Variants in FOXN1 observed in about 807,000 individuals in gnomAD.
The protein encoded by FOXN1 is forkhead box protein N1.
Under a neutral mutation model 49.0 loss-of-function variants are expected in FOXN1, and 15 were observed. The ratio of observed to expected loss-of-function variants is 0.31; its 90% CI spans 0.20 to 0.47. The LOEUF (loss-of-function observed/expected upper bound fraction) is 0.47, where lower values mean the gene tolerates loss of function less well. FOXN1 is among the 20% of genes least tolerant of loss of function. The pLI, the probability that FOXN1 is intolerant of heterozygous loss-of-function variation, is 1.00. For synonymous variants in FOXN1, 356 were observed against 369.0 expected (o/e 0.96, Z 0.40); for missense variants, 800 against 842.8 (o/e 0.95, Z 0.63).
intron 1 of FOXN1, among the ~76,000 whole-genome samples, chr17:28,510,269 C>T (rs1555606795): frequency 6.6e-6 from 1 of 152,150 alleles, no homozygotes; most frequent in African/African-American, 2.4e-5. Flanking sequence ...AGCACAGAGA[C>T]ACACATACAC....
chr17:28,522,949 G>A (rs2069670647), intron 1 of FOXN1, among the ~76,000 whole-genome samples: 1 of 152,220 alleles, frequency 6.6e-6, no homozygotes, highest in Admixed American at 6.5e-5. Context: ...TTCTGCGCAT[G>A]ATTTTGTTTG....
Position 28,537,604 on chromosome 17 carries a change from C to A in FOXN1, c.*168C>A. The A allele has an allele frequency of 1.5e-6, 1 of 670,562 alleles. No individual in the cohort carries two copies. Among genetic ancestry groups the A allele is most frequent in the Non-Finnish European group, 2.7e-6 (1 of 369,396 alleles). The allele number at this position is 670,562 out of a possible 1,614,324, so 41.5% of individuals were successfully genotyped here. On this transcript the variant is annotated 3_prime_UTR_variant, in exon 9 of 9. Coordinates refer to ENST00000579795, the MANE Select transcript of FOXN1 (RefSeq NM_001369369.1). ...TAGCTGGGGGCGCAGAGGACATCAC[C>A]TGGGGTGCTGCCTCTCACACATTTC...
At chr17:28,514,760 A>G (rs2069461685) in intron 1 of FOXN1, among the ~76,000 whole-genome samples, 1 of 152,136 alleles carries the variant, frequency 6.6e-6, no homozygotes, top group South Asian at 2.1e-4. Flanking sequence ...GCCAGGTGGG[A>G]GGCAGCAGGG....
chr17:28,535,197 G>T lies in FOXN1; in HGVS notation c.1626G>T (p.Gln542His). 6.2e-7 allele frequency: 1 copy of T among 1,612,776 alleles called. No individual in the cohort carries two copies. ...INPSLTDFDF[Q>H]GNLWEQLKDD... ...CCTCACTCACTGACTTCGACTTCCA[G>T]GGTGAGCTGGGGGTGGGAAAGGGAA... is the stretch of plus-strand genomic sequence containing the variant. Residue 542 changes from glutamine (Q) to histidine (H), a missense_variant and splice_region_variant, in exon 8 of 9, where the codon CAG becomes CAT. By Grantham distance (24) the Gln-to-His change is conservative. Coordinates refer to ENST00000579795, the MANE Select transcript of FOXN1 (RefSeq NM_001369369.1).
At chr17:28,527,467 C>A in intron 4 of FOXN1, 106 bp downstream of exon 4, 2 of 731,470 alleles carry the variant, frequency 2.7e-6, no homozygotes, top group Non-Finnish European at 4.9e-6. Flanking sequence ...CCAGGATAGG[C>A]AGATAAGGAC....
At chr17:28,523,524 A>G (rs1381878438) in intron 1 of FOXN1, among the ~76,000 whole-genome samples, 1 of 152,140 alleles carries the variant, frequency 6.6e-6, no homozygotes, top group African/African-American at 2.4e-5. Context: ...CGACTTGCCC[A>G]GTCACTGAAT....
At chr17:28,512,318 C>T (rs541549903) in intron 1 of FOXN1, among the ~76,000 whole-genome samples, 9 of 152,356 alleles carry the variant, frequency 5.9e-5, no homozygotes, top group African/African-American at 1.9e-4. Flanking sequence ...CCTCAGATCA[C>T]TGCTTTCTGA....
At chr17:28,514,067 G>C (rs921497465) in intron 1 of FOXN1, among the ~76,000 whole-genome samples, 1 of 152,146 alleles carries the variant, frequency 6.6e-6, no homozygotes, top group Non-Finnish European at 1.5e-5. Context: ...CAATAAATAG[G>C]GATTAGAGAT....
chr17:28,534,324 C>G lies in FOXN1; in HGVS notation c.928-7C>G. ...GCCTGAATGCTTGTCTTGCTCTGTT[C>G]CGGCAGACAGCACCCGATGGCTGGA... On this transcript the variant is annotated splice_region_variant and splice_polypyrimidine_tract_variant and intron_variant, in intron 6 of 8. Coordinates refer to ENST00000579795, the MANE Select transcript of FOXN1 (RefSeq NM_001369369.1). This position sits in a 1 kb window ranked among gnomAD's most constrained non-coding sequence, Gnocchi z 4.1. 1 of 1,614,096 alleles carries G rather than the reference C, an allele frequency of 6.2e-7. No homozygotes were observed. The highest frequency in any genetic ancestry group is 8.5e-7 in the Non-Finnish European group (1 of 1,180,010).
At chr17:28,522,370 C>T (rs992835765) in intron 1 of FOXN1, among the ~76,000 whole-genome samples, 11 of 152,084 alleles carry the variant, frequency 7.2e-5, no homozygotes, top group African/African-American at 2.7e-4. Flanking sequence ...AGTGAGAGGC[C>T]GGGCACAGTG....
At chr17:28,525,485 A>T (rs2069746601) in intron 3 of FOXN1, among the ~76,000 whole-genome samples, 1 of 152,160 alleles carries the variant, frequency 6.6e-6, no homozygotes, top group African/African-American at 2.4e-5. Context: ...GAAGGTTAAC[A>T]TGTCCTTCCA....
chr17:28,513,142 G>A (rs2069426708), intron 1 of FOXN1, among the ~76,000 whole-genome samples: 1 of 152,162 alleles, frequency 6.6e-6, no homozygotes, highest in South Asian at 2.1e-4. Context: ...GGTGCTGCCC[G>A]CCTGTAATCC....
chr17:28,517,156 A>G (rs1268395168), intron 1 of FOXN1, among the ~76,000 whole-genome samples: 1 of 130,880 alleles, frequency 7.6e-6, no homozygotes, highest in African/African-American at 2.9e-5. Flanking sequence ...ACACACCTCC[A>G]CAGGATCCAC....
intron 1 of FOXN1, among the ~76,000 whole-genome samples, chr17:28,509,840 C>T (rs1470195606): frequency 5.3e-5 from 8 of 152,118 alleles, no homozygotes; most frequent in Admixed American, 1.3e-4. Context: ...TCAGGCATGG[C>T]GGGCCAAGGA....
At chr17:28,517,699 A>G (rs2069551689) in intron 1 of FOXN1, among the ~76,000 whole-genome samples, 1 of 73,574 alleles carries the variant, frequency 1.4e-5, no homozygotes, top group Admixed American at 1.1e-4. Context: ...CAGGGTACAC[A>G]CCTCCACAGG....
chr17:28,533,424 A>G (rs1023678340), intron 6 of FOXN1, among the ~76,000 whole-genome samples: 4 of 151,926 alleles, frequency 2.6e-5, no homozygotes, highest in South Asian at 2.1e-4. Context: ...CCCTGGGCAC[A>G]ATTACCACAC....
intron 3 of FOXN1, among the ~76,000 whole-genome samples, chr17:28,525,743 A>G (rs1183540962): frequency 6.6e-6 from 1 of 151,922 alleles, no homozygotes; most frequent in South Asian, 2.1e-4. Flanking sequence ...GCTTTCAAAC[A>G]GGCCCCCATT....
chr17:28,532,016 G>C (rs375774852), intron 6 of FOXN1, among the ~76,000 whole-genome samples: 5 of 151,994 alleles, frequency 3.3e-5, no homozygotes, highest in African/African-American at 1.2e-4. Context: ...TGAATTCAGG[G>C]CTGCCCTCCA....
chr17:28,515,157 G>A (rs117759015), intron 1 of FOXN1, among the ~76,000 whole-genome samples: 1,879 of 152,116 alleles, frequency 0.012, 25 homozygotes, highest in Admixed American at 0.041. Context: ...CCTCAGGGGC[G>A]CCCCACATAA....
Sources: gnomAD v4.1 joint callset for allele counts (sites outside exome capture counted in the v4.1 genomes callset) on GRCh38, gnomAD v4.1.1 for gene constraint, Gnocchi (gnomAD v3.1) non-coding constraint, MANE v1.5 for transcripts, NCBI Gene and HGNC (gene_info 2026-07-23, HGNC 2026-07-21) for gene names.